KCNB2: variants seen among roughly 807,000 people sequenced by gnomAD.
KCNB2 encodes the protein potassium voltage-gated channel subfamily B member 2, also known as delayed rectifier potassium channel protein.
A neutral mutation model predicts 61.5 loss-of-function variants in KCNB2; 15 were observed. The ratio of observed to expected loss-of-function variants is 0.24; its 90% CI spans 0.16 to 0.38. The LOEUF (loss-of-function observed/expected upper bound fraction) is 0.38, where lower values mean the gene tolerates loss of function less well. Among genes scored for constraint, KCNB2 ranks in the 10% least tolerant of loss-of-function variants. The pLI, the probability that KCNB2 is intolerant of heterozygous loss-of-function variation, is 1.00. For synonymous variants in KCNB2, 457 were observed against 446.0 expected (o/e 1.02, Z -0.31); for missense variants, 828 against 1,125.2 (o/e 0.74, Z 3.78).
At chr8:72,923,526 G>A in intron 2 of KCNB2, among the ~76,000 whole-genome samples, 1 of 152,046 alleles carries the variant, frequency 6.6e-6, no homozygotes, top group Non-Finnish European at 1.5e-5. Context: ...TCCAAAGGGT[G>A]GAGCACATAA....
At chr8:72,887,850 A>G (rs1805831442) in intron 2 of KCNB2, among the ~76,000 whole-genome samples, 1 of 152,194 alleles carries the variant, frequency 6.6e-6, no homozygotes, top group African/African-American at 2.4e-5. Flanking sequence ...TCTGCCCAGA[A>G]AGGAGCTTGG....
At chr8:72,713,599 CCTGA>C (rs1807365311) in intron 2 of KCNB2, among the ~76,000 whole-genome samples, 1 of 152,158 alleles carries the variant, frequency 6.6e-6, no homozygotes, top group Non-Finnish European at 1.5e-5. Context: ...AGCTGAGGGT[CCTGA>C]CTGTTAGAAG....
chr8:72,801,920 T>C (rs1809139363), intron 2 of KCNB2, among the ~76,000 whole-genome samples: 1 of 152,200 alleles, frequency 6.6e-6, no homozygotes. Flanking sequence ...TCACTTAAGC[T>C]GTTCCTCTAG....
chr8:72,866,179 A>C (rs914546520), intron 2 of KCNB2, among the ~76,000 whole-genome samples: 8 of 152,230 alleles, frequency 5.3e-5, no homozygotes, highest in African/African-American at 1.9e-4. Flanking sequence ...AACTGTTCTC[A>C]TTGTGAAACT....
chr8:72,816,524 A>T (rs1327302785), intron 2 of KCNB2, among the ~76,000 whole-genome samples: 1 of 152,116 alleles, frequency 6.6e-6, no homozygotes, highest in Non-Finnish European at 1.5e-5. Flanking sequence ...GCAATTTCTC[A>T]AGTAGCCTGG....
intron 2 of KCNB2, among the ~76,000 whole-genome samples, chr8:72,762,094 A>G (rs1427630939): frequency 6.6e-6 from 1 of 152,224 alleles, no homozygotes; most frequent in Non-Finnish European, 1.5e-5. Context: ...CTACCTGCCA[A>G]TGAGTTCAAT....
chr8:72,912,489 C>CATATATATAT (rs5892374), intron 2 of KCNB2, among the ~76,000 whole-genome samples: 76 of 137,310 alleles, frequency 5.5e-4, no homozygotes, highest in African/African-American at 1.9e-3. Context: ...AGCTTTTATT[C>CATATATATAT]ATATATATAT....
chr8:72,741,535 G>T (rs1335792060), intron 2 of KCNB2, among the ~76,000 whole-genome samples: 2 of 152,100 alleles, frequency 1.3e-5, no homozygotes, highest in Non-Finnish European at 2.9e-5. Flanking sequence ...AATGTACACT[G>T]CACACAGTGT....
chr8:72,829,030 G>A (rs193167839), intron 2 of KCNB2, among the ~76,000 whole-genome samples: 56 of 152,228 alleles, frequency 3.7e-4, no homozygotes, highest in Non-Finnish European at 7.4e-5. Flanking sequence ...CCCTCCTCCC[G>A]TGATTCATTG....
At chr8:72,611,974 G>T (rs1210835149) in intron 2 of KCNB2, among the ~76,000 whole-genome samples, 1 of 151,648 alleles carries the variant, frequency 6.6e-6, no homozygotes, top group South Asian at 2.1e-4. Context: ...ATCCTTAAAC[G>T]CAAACTGTTA....
chr8:72,598,389 A>G (rs1807234689), intron 2 of KCNB2, among the ~76,000 whole-genome samples: 1 of 152,222 alleles, frequency 6.6e-6, no homozygotes, highest in Non-Finnish European at 1.5e-5. Context: ...GGCCTTTGAA[A>G]AAATTCAACA....
At chr8:72,870,600 A>G (rs1004556886) in intron 2 of KCNB2, among the ~76,000 whole-genome samples, 22 of 152,142 alleles carry the variant, frequency 1.4e-4, no homozygotes, top group African/African-American at 5.1e-4. Flanking sequence ...ACTTTTTTCC[A>G]CCTATGTATG....
intron 2 of KCNB2, among the ~76,000 whole-genome samples, chr8:72,904,931 G>T (rs1806149924): frequency 1.3e-5 from 2 of 151,588 alleles, no homozygotes; most frequent in East Asian, 1.9e-4. Flanking sequence ...ATTCACTTTT[G>T]TGTTCCTTGT....
At chr8:72,664,309 G>A (rs939136934) in intron 2 of KCNB2, among the ~76,000 whole-genome samples, 2 of 152,208 alleles carry the variant, frequency 1.3e-5, no homozygotes, top group African/African-American at 4.8e-5. Flanking sequence ...GTCTGAAGAA[G>A]GAAGAGTTTC....
chr8:72,654,080 C>T (rs73688739), intron 2 of KCNB2, among the ~76,000 whole-genome samples: 4,682 of 152,130 alleles, frequency 0.031, 237 homozygotes, highest in African/African-American at 0.11. Context: ...TCATAATGAT[C>T]CAATTCAGTC....
chr8:72,863,359 A>T (rs755149794), intron 2 of KCNB2, among the ~76,000 whole-genome samples: 39 of 152,218 alleles, frequency 2.6e-4, no homozygotes, highest in Non-Finnish European at 3.5e-4. Flanking sequence ...GCTTGAGCCT[A>T]TCAAAATGAT....
At chr8:72,811,061 C>A (rs1004872347) in intron 2 of KCNB2, among the ~76,000 whole-genome samples, 2 of 151,772 alleles carry the variant, frequency 1.3e-5, no homozygotes, top group Non-Finnish European at 2.9e-5. Flanking sequence ...CCTACCTTCT[C>A]GATCATTTCT....
chr8:72,933,861 C>G (rs1028316562), intron 2 of KCNB2, among the ~76,000 whole-genome samples: 2 of 152,162 alleles, frequency 1.3e-5, no homozygotes, highest in African/African-American at 4.8e-5. Flanking sequence ...TTGTGATACA[C>G]TGATCCATAT....
chr8:72,660,085 C>T (rs975542244), intron 2 of KCNB2, among the ~76,000 whole-genome samples: 1 of 152,170 alleles, frequency 6.6e-6, no homozygotes, highest in Non-Finnish European at 1.5e-5. Context: ...TCAGTTGGAT[C>T]CATTGTATAA....
Sources: gnomAD v4.1 joint callset for allele counts (sites outside exome capture counted in the v4.1 genomes callset) on GRCh38, gnomAD v4.1.1 for gene constraint, MANE v1.5 for transcripts, NCBI Gene and HGNC (gene_info 2026-07-23, HGNC 2026-07-21) for gene names.